Variants in CATSPERB observed in about 807,000 individuals in gnomAD.
CATSPERB encodes the protein catsper channel auxiliary subunit beta.
In CATSPERB, 93 loss-of-function variants were observed where a neutral mutation model predicts 128.3. The ratio of observed to expected loss-of-function variants is 0.72; its 90% CI spans 0.61 to 0.86. The LOEUF is 0.86. Ranked by LOEUF, CATSPERB falls within the 40% of genes least tolerant of loss-of-function variation. The probability of loss-of-function intolerance (pLI) is 0.00; values close to 1 mark genes in which losing one functional copy is unlikely to be tolerated. For synonymous variants in CATSPERB, 381 were observed against 448.8 expected (o/e 0.85, Z 1.91); for missense variants, 1,153 against 1,329.5 (o/e 0.87, Z 2.06).
intron 17 of CATSPERB, among the ~76,000 whole-genome samples, chr14:91,635,136 A>G (rs1321418913): frequency 1.3e-5 from 2 of 151,946 alleles, no homozygotes. Flanking sequence ...GGTCTCTTTC[A>G]TAAGGACACT....
chr14:91,678,997 T>G lies in CATSPERB; in HGVS notation c.932-4775A>C, dbSNP rs180821473. On this transcript the variant is annotated intron_variant, in intron 11 of 26. Coordinates refer to ENST00000256343, the MANE Select transcript of CATSPERB (RefSeq NM_024764.4). ...ATGATGACTAGTGCTGTCTAATATC[T>G]CCATTTTCAAAAGTAGTCTAGATAA... Among the ~76,000 whole-genome samples, 314 of 152,206 alleles carry G rather than the reference T, an allele frequency of 2.1e-3. 3 individuals are homozygous for G. Among genetic ancestry groups the G allele is most frequent in the African/African-American group, 6.8e-3 (281 of 41,532 alleles).
Position 91,639,154 on chromosome 14 carries a change from C to G in CATSPERB, c.1529G>C (p.Arg510Pro). 3.1e-6 allele frequency: 5 copies of G among 1,614,000 alleles called. No homozygotes were observed. Among genetic ancestry groups the G allele is most frequent in the Middle Eastern group, 1.6e-4 (1 of 6,062 alleles). ...TGTGGGTGGTCCACTAGCTTCAAAG[C>G]GACCCAGAGTCAGCTTATGTAGGAA... Reference protein sequence around the residue: ...LGFLHKLTLGRFEASGPPTAF... With the variant: ...LGFLHKLTLGPFEASGPPTAF... Residue 510 changes from arginine (R) to proline (P), a missense_variant, in exon 16 of 27, where the codon CGC becomes CCC. Coordinates refer to ENST00000256343, the MANE Select transcript of CATSPERB (RefSeq NM_024764.4).
At chr14:91,626,769 C>T (rs978110201) in intron 17 of CATSPERB, among the ~76,000 whole-genome samples, 1 of 152,142 alleles carries the variant, frequency 6.6e-6, no homozygotes, top group Non-Finnish European at 1.5e-5. Context: ...TTATACATTA[C>T]CCAGTCTGTG....
intron 9 of CATSPERB, 133 bp from the exon 10 acceptor site, chr14:91,691,688 T>G: frequency 1.6e-6 from 1 of 610,544 alleles, no homozygotes; most frequent in South Asian, 3.2e-5. Context: ...AATTATATGT[T>G]TTTTCTATCC....
intron 23 of CATSPERB, among the ~76,000 whole-genome samples, chr14:91,590,835 T>C (rs903912456): frequency 1.4e-4 from 22 of 151,726 alleles, no homozygotes; most frequent in Non-Finnish European, 2.9e-4. Context: ...GTATTTTTAG[T>C]AGAGACAGGG....
At chr14:91,703,388 G>GGCCCCAGTTCCT (rs753538191) in intron 7 of CATSPERB, among the ~76,000 whole-genome samples, 1 of 152,026 alleles carries the variant, frequency 6.6e-6, no homozygotes, top group Non-Finnish European at 1.5e-5. Context: ...TTTGGTCTTT[G>GGCCCCAGTTCCT]GCCCCAGTTC....
chr14:91,701,916 A>G (rs1394135691), intron 7 of CATSPERB, among the ~76,000 whole-genome samples: 3 of 152,058 alleles, frequency 2.0e-5, no homozygotes, highest in Admixed American at 6.6e-5. Flanking sequence ...GTCTCAAAAA[A>G]AAAAAAAAAA....
chr14:91,669,190 A>G (rs1262281700), intron 14 of CATSPERB, among the ~76,000 whole-genome samples: 2 of 152,244 alleles, frequency 1.3e-5, no homozygotes, highest in South Asian at 2.1e-4. Flanking sequence ...AATTTTGCAC[A>G]TAATATAGAT....
In CATSPERB at chr14:91,603,151, C is replaced by T. The variant is rs577304647; in HGVS notation, c.2709+5143G>A. On this transcript the variant is annotated intron_variant, in intron 22 of 26. Transcript: ENST00000256343. ...CTGGTATCCACTCTTCCTTGTATACCTTCATGTATCTTTTACTATACCTTT... is the reference window on the plus strand; with the variant it reads ...CTGGTATCCACTCTTCCTTGTATACTTTCATGTATCTTTTACTATACCTTT... 10 of 784,952 alleles carry T rather than the reference C, an allele frequency of 1.3e-5. No individual in the cohort carries two copies. In the East Asian group the frequency reaches 1.9e-4, roughly 15 times the overall value. 48.6% of individuals were successfully genotyped at this position (784,952 alleles called of 1,614,324 possible).
chr14:91,606,106 G>A (rs762310627), intron 22 of CATSPERB, among the ~76,000 whole-genome samples: 1 of 152,088 alleles, frequency 6.6e-6, no homozygotes. Flanking sequence ...AACCCAGGAT[G>A]TGGAGGTTGC....
At chr14:91,704,910 C>A (rs1230680111) in intron 6 of CATSPERB, among the ~76,000 whole-genome samples, 1 of 152,202 alleles carries the variant, frequency 6.6e-6, no homozygotes, top group Admixed American at 6.5e-5. Flanking sequence ...TGGTGGGGGG[C>A]TGGCAAGGTT....
intron 17 of CATSPERB, among the ~76,000 whole-genome samples, chr14:91,626,646 C>T (rs865925105): frequency 1.3e-5 from 2 of 152,112 alleles, no homozygotes; most frequent in Non-Finnish European, 1.5e-5. Flanking sequence ...CACATGTGCT[C>T]ACCCTTCTGC....
At position 91,721,545 on chromosome 14, in the gene CATSPERB, T is replaced by C. The variant is rs183180780; in HGVS notation, c.309+1504A>G. On this transcript the variant is annotated intron_variant, in intron 4 of 26. Transcript: ENST00000256343. Reference sequence around the variant, plus strand: ...TAGCACTTTATACCTACTAGGATGGTTATTTTAAAAAAGATAAATAAAGGC... The same window carrying C: ...TAGCACTTTATACCTACTAGGATGGCTATTTTAAAAAAGATAAATAAAGGC... 5.6e-3 allele frequency among the ~76,000 whole-genome samples: 846 copies of C among 152,128 alleles called. 12 individuals carry two copies. The highest frequency in any genetic ancestry group is 0.019 in the African/African-American group (796 of 41,518).
intron 7 of CATSPERB, among the ~76,000 whole-genome samples, chr14:91,697,204 G>A (rs1371394361): frequency 6.6e-6 from 1 of 152,134 alleles, no homozygotes; most frequent in African/African-American, 2.4e-5. Context: ...TTCTGCTCTT[G>A]CAGGGCAGGA....
chr14:91,720,707 C>T (rs1053127832), intron 4 of CATSPERB, among the ~76,000 whole-genome samples: 2 of 152,074 alleles, frequency 1.3e-5, no homozygotes, highest in African/African-American at 4.8e-5. Context: ...TCCCAGATGG[C>T]TACTTTGTAG....
intron 10 of CATSPERB, among the ~76,000 whole-genome samples, chr14:91,686,583 C>T (rs1895379436): frequency 6.6e-6 from 1 of 152,122 alleles, no homozygotes; most frequent in Non-Finnish European, 1.5e-5. Context: ...CACTGTATTT[C>T]CCCTCTCCCT....
At chr14:91,634,461 C>A (rs975696255) in intron 17 of CATSPERB, among the ~76,000 whole-genome samples, 1 of 151,756 alleles carries the variant, frequency 6.6e-6, no homozygotes, top group African/African-American at 2.4e-5. Flanking sequence ...ATGGAAATTT[C>A]TCAAAGAACT....
chr14:91,717,481 T>C (rs1895962084), intron 5 of CATSPERB, among the ~76,000 whole-genome samples: 1 of 152,218 alleles, frequency 6.6e-6, no homozygotes, highest in Non-Finnish European at 1.5e-5. Context: ...CAGTCATCTC[T>C]AAATTTCCAT....
chr14:91,643,832 T>C lies in CATSPERB; in HGVS notation c.1433-4582A>G, dbSNP rs1401539483. ...GGGTGTTAAAGTCTCCCATTATTAATGTGTGGGAGTCTAAGTCTCTTTGTA... is the reference window on the plus strand; with the variant it reads ...GGGTGTTAAAGTCTCCCATTATTAACGTGTGGGAGTCTAAGTCTCTTTGTA... On this transcript the variant is annotated intron_variant, in intron 15 of 26. Transcript: ENST00000256343. Among the ~76,000 whole-genome samples the C allele has an allele frequency of 4.2e-5, 3 of 70,592 alleles. 1 individual carries two copies. Among genetic ancestry groups the C allele is most frequent in the African/African-American group, 1.6e-4 (3 of 19,042 alleles). The allele number at this position is 70,592 out of a possible 152,430, so 46.3% of individuals were successfully genotyped here.
Sources: allele counts gnomAD v4.1 joint callset (sites outside exome capture counted in the v4.1 genomes callset), GRCh38; gene constraint gnomAD v4.1.1; transcripts MANE v1.5; gene names NCBI Gene and HGNC (gene_info 2026-07-23, HGNC 2026-07-21).